SFI1: variants seen among roughly 807,000 people sequenced by gnomAD.
SFI1 encodes the protein SFI1 centrin binding protein, also known as protein SFI1 homolog.
A neutral mutation model predicts 207.5 loss-of-function variants in SFI1; 195 were observed. The ratio of observed to expected loss-of-function variants is 0.94; its 90% CI spans 0.84 to 1.06. The LOEUF is 1.06. Among genes scored for constraint, SFI1 ranks in the 50% least tolerant of loss-of-function variants. SFI1 has a pLI of 0.00. For missense variants in SFI1, 1,634 were observed against 1,588.0 expected (o/e 1.03, Z -0.49); for synonymous variants, 630 against 598.9 (o/e 1.05, Z -0.76).
chr22:31,618,083 C>G, intron 31 of SFI1, 32 bp from the exon 32 acceptor site: 1 of 1,547,600 alleles, frequency 6.5e-7, no homozygotes, highest in Non-Finnish European at 8.7e-7. Context: ...AAGGACCCAG[C>G]CTGGCAGGCA....
chr22:31,497,740 C>T (rs563925427), intron 1 of SFI1, among the ~76,000 whole-genome samples: 6 of 152,284 alleles, frequency 3.9e-5, no homozygotes, highest in South Asian at 2.1e-4. Context: ...GATGACCACA[C>T]ATCTCTTTAC....
chr22:31,590,781 G>A (rs2146452650), intron 15 of SFI1, among the ~76,000 whole-genome samples: 1 of 150,002 alleles, frequency 6.7e-6, no homozygotes, highest in East Asian at 2.0e-4. Flanking sequence ...GGGATTACAG[G>A]CGTGAGCCAC....
chr22:31,553,838 G>GTTTTTTTTTTTTTT lies in SFI1; in HGVS notation c.545-3087_545-3074dup, dbSNP rs58333559. 2.7e-4 allele frequency among the ~76,000 whole-genome samples: 7 copies of GTTTTTTTTTTTTTT among 26,308 alleles called. 3 individuals carry two copies. The highest frequency in any genetic ancestry group is 3.9e-3 in the South Asian group (2 of 516). 17.3% of individuals were successfully genotyped at this position (26,308 alleles called of 152,430 possible). On this transcript the variant is annotated intron_variant, in intron 6 of 32. Transcript: ENST00000400288. ...ATTCTATTTTTTTTTAATGGATTAT[G>GTTTTTTTTTTTTTT]TTTTTTTTTTTTTTTTTTTTTTTTT...
At chr22:31,613,293 C>T in intron 25 of SFI1, 61 bp from the exon 26 acceptor site, 5 of 1,606,578 alleles carry the variant, frequency 3.1e-6, no homozygotes, top group Non-Finnish European at 4.3e-6. Flanking sequence ...GGGAGGGCAC[C>T]TGGTCTGTGG....
chr22:31,563,397 C>T (rs994812204), intron 8 of SFI1, among the ~76,000 whole-genome samples: 2 of 152,028 alleles, frequency 1.3e-5, no homozygotes, highest in Admixed American at 1.3e-4. Context: ...TGCAGGGATA[C>T]TGACTAAACT....
chr22:31,590,938 C>T lies in SFI1; in HGVS notation c.1544+1361C>T, dbSNP rs988675601. ...GTTTTACTACTGGCTTTTCTATATT[C>T]CAACTTTTTTCTTTTTATTTATTTA... On this transcript the variant is annotated intron_variant, in intron 15 of 32. Coordinates refer to ENST00000400288, the MANE Select transcript of SFI1 (RefSeq NM_001007467.3). Among the ~76,000 whole-genome samples the T allele has an allele frequency of 2.0e-5, 3 of 149,218 alleles. No individual in the cohort carries two copies. The South Asian group carries it at 6.4e-4, about 32-fold the overall frequency.
chr22:31,553,903 G>A (rs2060903244), intron 6 of SFI1, among the ~76,000 whole-genome samples: 1 of 124,948 alleles, frequency 8.0e-6, no homozygotes, highest in African/African-American at 3.1e-5. Flanking sequence ...TTGGAGTGCA[G>A]TGGTGTGAGG....
intron 2 of SFI1, among the ~76,000 whole-genome samples, chr22:31,519,529 T>G (rs1213663873): frequency 6.6e-6 from 1 of 151,666 alleles, no homozygotes; most frequent in Non-Finnish European, 1.5e-5. Flanking sequence ...ATCTGCCTCG[T>G]GGGTTCAAGC....
intron 6 of SFI1, among the ~76,000 whole-genome samples, chr22:31,556,229 T>C (rs2148143882): frequency 6.6e-6 from 1 of 150,784 alleles, no homozygotes; most frequent in East Asian, 1.9e-4. Context: ...TTCTTTTCTT[T>C]TTTTTTTTTT....
chr22:31,599,135 C>G (rs1317998026), intron 15 of SFI1, among the ~76,000 whole-genome samples: 2 of 148,862 alleles, frequency 1.3e-5, no homozygotes, highest in Non-Finnish European at 3.0e-5. Context: ...TAGGGTCCTC[C>G]CTAAGAAATA....
chr22:31,576,128 G>A (rs1301541575), intron 10 of SFI1, among the ~76,000 whole-genome samples: 3 of 151,464 alleles, frequency 2.0e-5, no homozygotes, highest in Admixed American at 6.6e-5. Flanking sequence ...AGGTTCAAGC[G>A]ATTCTCCTGC....
Position 31,521,755 on chromosome 22 carries a change from T to C in SFI1, c.93-6935T>C, listed in dbSNP as rs188593585. ...ATACATAACAAAAAACTTACTATTT[T>C]ATTTTAACCTTTTTTTTTCTTTTTT... On this transcript the variant is annotated intron_variant, in intron 2 of 32. Coordinates refer to ENST00000400288, the MANE Select transcript of SFI1 (RefSeq NM_001007467.3). 2.2e-3 allele frequency among the ~76,000 whole-genome samples: 336 copies of C among 152,220 alleles called. 1 individual carries two copies. Among genetic ancestry groups the C allele is most frequent in the African/African-American group, 7.4e-3 (306 of 41,538 alleles).
At chr22:31,597,134 G>A (rs142756377) in intron 15 of SFI1, among the ~76,000 whole-genome samples, 1,626 of 152,242 alleles carry the variant, frequency 0.011, 8 homozygotes, top group Middle Eastern at 0.031. Flanking sequence ...TCAAGTAGCC[G>A]TGCTTGGTTC....
Position 31,618,462 on chromosome 22 carries a change from C to A in SFI1, c.*44C>A. On this transcript the variant is annotated 3_prime_UTR_variant, in exon 33 of 33. Coordinates refer to ENST00000400288, the MANE Select transcript of SFI1 (RefSeq NM_001007467.3). Reference sequence around the variant, plus strand: ...GCAGGTGCTGGGCTGTCGGGGAGGCCTCAGGCCACCTCCAGGAACAGAACA... The same window carrying A: ...GCAGGTGCTGGGCTGTCGGGGAGGCATCAGGCCACCTCCAGGAACAGAACA... 1 of 1,468,176 alleles carries A rather than the reference C, an allele frequency of 6.8e-7. No homozygotes were observed. The highest frequency in any genetic ancestry group is 2.6e-5 in the Admixed American group (1 of 37,804). The allele number at this position is 1,468,176 out of a possible 1,614,324, so 90.9% of individuals were successfully genotyped here.
rs748389872 is a variant in SFI1, at chr22:31,615,164, G to C, written c.3185G>C (p.Gly1062Ala). ...CTGGTCCCACACAGCCCCCTGCCTG[G>C]GGCCCTGTCAAGCGCCCCTGGCCCG... ...TALVPHSPLP[G>A]ALSSAPGPKQ... The change falls in exon 29 of 33, where the codon GGG (glycine) becomes GCG (alanine). Residue 1062 changes from glycine to alanine, a missense_variant. By Grantham distance (60) the Gly-to-Ala change is moderately conservative. Coordinates refer to ENST00000400288, the MANE Select transcript of SFI1 (RefSeq NM_001007467.3). 18 of 1,605,894 alleles carry C rather than the reference G, an allele frequency of 1.1e-5. No individual in the cohort carries two copies. The highest frequency in any genetic ancestry group is 8.5e-5 in the Admixed American group (5 of 58,664).
chr22:31,503,582 CTGT>C (rs2054147154), intron 1 of SFI1, among the ~76,000 whole-genome samples: 1 of 132,014 alleles, frequency 7.6e-6, no homozygotes, highest in African/African-American at 2.9e-5. Context: ...TTTTCTTGGA[CTGT>C]TTTTTTTTTT....
intron 15 of SFI1, among the ~76,000 whole-genome samples, chr22:31,595,059 C>T (rs2066895369): frequency 6.6e-6 from 1 of 151,962 alleles, no homozygotes; most frequent in African/African-American, 2.4e-5. Flanking sequence ...TGCAGTGGCA[C>T]CATCTTGACT....
At chr22:31,571,828 T>C (rs2062984078) in intron 8 of SFI1, among the ~76,000 whole-genome samples, 1 of 152,158 alleles carries the variant, frequency 6.6e-6, no homozygotes, top group African/African-American at 2.4e-5. Flanking sequence ...ATTAAAACTG[T>C]ATATTGTTGC....
chr22:31,510,392 A>AT (rs897365605), intron 2 of SFI1, among the ~76,000 whole-genome samples: 2 of 151,090 alleles, frequency 1.3e-5, no homozygotes, highest in Admixed American at 6.6e-5. Flanking sequence ...TACTCATTTA[A>AT]TTTTTTTTAC....
Sources: allele counts gnomAD v4.1 joint callset (sites outside exome capture counted in the v4.1 genomes callset), GRCh38; gene constraint gnomAD v4.1.1; transcripts MANE v1.5; gene names NCBI Gene and HGNC (gene_info 2026-07-23, HGNC 2026-07-21).